The following RIPOR3 variants were observed in gnomAD, a reference collection of about 807,000 sequenced individuals.
The protein encoded by RIPOR3 is RIPOR family member 3.
Under a neutral mutation model 114.3 loss-of-function variants are expected in RIPOR3, and 95 were observed. The observed-to-expected ratio is 0.83, with a 90% CI of 0.70 to 0.99. The LOEUF (loss-of-function observed/expected upper bound fraction) is 0.99. RIPOR3 is among the 50% of genes least tolerant of loss of function. The probability of loss-of-function intolerance (pLI) is 0.00; values close to 1 mark genes in which losing one functional copy is unlikely to be tolerated. For missense variants in RIPOR3, 1,252 were observed against 1,266.9 expected (o/e 0.99, Z 0.18); for synonymous variants, 575 against 543.8 (o/e 1.06, Z -0.80).
chr20:50,599,406 A>G (rs563838129), intron 13 of RIPOR3, among the ~76,000 whole-genome samples: 111 of 152,204 alleles, frequency 7.3e-4, no homozygotes, highest in African/African-American at 2.5e-3. Flanking sequence ...AAAAAAGGAA[A>G]AAAAAAAGCT....
rs151026680 is a variant in RIPOR3 at position 50,669,042 on chromosome 20, G to A, written c.3+22084C>T. On this transcript the variant is annotated intron_variant, in intron 1 of 21. Transcript: ENST00000327979. The stretch of plus-strand genomic sequence containing the variant: ...GACAGTCACACACATGCACACACAC[G>A]CATGCACATGCACACTCACATATAC... 4.9e-4 allele frequency among the ~76,000 whole-genome samples: 75 copies of A among 151,776 alleles called. 1 individual carries two copies. Among genetic ancestry groups the A allele is most frequent in the Middle Eastern group, 6.8e-3 (2 of 294 alleles).
At position 50,602,059 on chromosome 20, in the gene RIPOR3, G is replaced by C. The variant is rs774295149; in HGVS notation, c.1659+13C>G. ...GCAAAGCAGGGCCACCGCCCGGGGC[G>C]GGGTGGCCATACCTTCAGCCGGTCC... On this transcript the variant is annotated intron_variant, in intron 13 of 21. Transcript: ENST00000327979. This position sits in a 1 kb window ranked among gnomAD's most constrained non-coding sequence, Gnocchi z 4.3. 156 of 1,508,226 alleles carry C rather than the reference G, an allele frequency of 1.0e-4. No homozygotes were observed. Among genetic ancestry groups the C allele is most frequent in the Non-Finnish European group, 1.3e-4 (148 of 1,130,660 alleles). The allele number at this position is 1,508,226 out of a possible 1,614,324, so 93.4% of individuals were successfully genotyped here.
rs543377061 is a variant in RIPOR3 at position 50,587,669 on chromosome 20, C to T, written c.2752+133G>A. The stretch of plus-strand genomic sequence containing the variant: ...CAAAGGGTGGAGGTCGGCTCTGTGC[C>T]AGGGCTGCTAACGGTGCCCATCCCA... On this transcript the variant is annotated intron_variant, in intron 21 of 21. Coordinates refer to ENST00000327979, the MANE Select transcript of RIPOR3 (RefSeq NM_001290268.2). The T allele has an allele frequency of 2.1e-5, 17 of 810,098 alleles. No individual in the cohort carries two copies. The South Asian group carries it at 2.6e-4, about 12-fold the overall frequency. 50.2% of individuals were successfully genotyped at this position (810,098 alleles called of 1,614,324 possible).
intron 1 of RIPOR3, chr20:50,645,510 A>T (rs1442822794): frequency 6.6e-6 from 1 of 152,206 alleles, no homozygotes; most frequent in Non-Finnish European, 1.5e-5. Context: ...GAGTGAGGTG[A>T]ATGGGGACTA....
chr20:50,654,542 G>C (rs146216170), intron 1 of RIPOR3, among the ~76,000 whole-genome samples: 28 of 149,604 alleles, frequency 1.9e-4, no homozygotes, highest in African/African-American at 5.4e-4. Flanking sequence ...TTGTCTGCGT[G>C]GTTCACTGCT....
intron 1 of RIPOR3, among the ~76,000 whole-genome samples, chr20:50,653,500 A>G (rs2085692961): frequency 6.6e-6 from 1 of 151,684 alleles, no homozygotes; most frequent in Non-Finnish European, 1.5e-5. Context: ...CAGTGGCACA[A>G]TCTTGGCTCA....
chr20:50,639,644 G>A (rs1221807332), intron 1 of RIPOR3, among the ~76,000 whole-genome samples: 1 of 152,194 alleles, frequency 6.6e-6, no homozygotes, highest in African/African-American at 2.4e-5. Context: ...GAGGCAGGAG[G>A]AGCACTTGAG....
chr20:50,643,269 G>A (rs2085270408), intron 1 of RIPOR3, among the ~76,000 whole-genome samples: 2 of 150,498 alleles, frequency 1.3e-5, no homozygotes, highest in Non-Finnish European at 3.0e-5. Flanking sequence ...CTACAAGTGT[G>A]CACCACTAGG....
At chr20:50,623,033 G>A (rs2084476819) in intron 2 of RIPOR3, among the ~76,000 whole-genome samples, 2 of 152,076 alleles carry the variant, frequency 1.3e-5, no homozygotes, top group African/African-American at 2.4e-5. Context: ...GGAGGCCAAG[G>A]TGGGTGGATC....
At chr20:50,590,430 G>C (rs1028255569) in intron 19 of RIPOR3, among the ~76,000 whole-genome samples, 1 of 152,264 alleles carries the variant, frequency 6.6e-6, no homozygotes, top group African/African-American at 2.4e-5. Context: ...ACTCAGTCGA[G>C]TGGCTGCACC....
intron 2 of RIPOR3, among the ~76,000 whole-genome samples, chr20:50,630,084 C>T (rs2084763482): frequency 6.6e-6 from 1 of 152,158 alleles, no homozygotes; most frequent in African/African-American, 2.4e-5. Flanking sequence ...CCTCCCACCT[C>T]AGCTTTCCAA....
At chr20:50,642,981 G>C (rs2085259988) in intron 1 of RIPOR3, among the ~76,000 whole-genome samples, 1 of 152,046 alleles carries the variant, frequency 6.6e-6, no homozygotes, top group African/African-American at 2.4e-5. Context: ...CCGGGAGGCA[G>C]AGGTTGCGGT....
intron 11 of RIPOR3, among the ~76,000 whole-genome samples, chr20:50,608,137 C>A (rs2083794837): frequency 6.6e-6 from 1 of 152,190 alleles, no homozygotes; most frequent in East Asian, 1.9e-4. Context: ...GTCCCCCCAA[C>A]CTTCCCTGTG....
At chr20:50,648,273 T>G (rs531509852) in intron 1 of RIPOR3, among the ~76,000 whole-genome samples, 1 of 150,000 alleles carries the variant, frequency 6.7e-6, no homozygotes, top group Non-Finnish European at 1.5e-5. Flanking sequence ...CAACACTCCA[T>G]CTCTAAAAAA....
At chr20:50,689,052 G>A (rs764917656) in intron 1 of RIPOR3, among the ~76,000 whole-genome samples, 2 of 152,122 alleles carry the variant, frequency 1.3e-5, no homozygotes, top group Non-Finnish European at 2.9e-5. Context: ...CGACACCCAT[G>A]CAGGTGGTAC....
chr20:50,601,427 C>T (rs1002216278), intron 13 of RIPOR3, among the ~76,000 whole-genome samples: 4 of 152,190 alleles, frequency 2.6e-5, no homozygotes, highest in Middle Eastern at 3.4e-3. Flanking sequence ...GGCAACAGAG[C>T]GAGACTTCAT....
intron 11 of RIPOR3, among the ~76,000 whole-genome samples, chr20:50,606,606 AT>A (rs1192872005): frequency 1.3e-5 from 2 of 152,182 alleles, no homozygotes; most frequent in Non-Finnish European, 2.9e-5. Context: ...CAAATCCTTT[AT>A]CCAGAAAAGG....
In RIPOR3 at chr20:50,614,522, CAT is replaced by C. The variant is rs2084092034; in HGVS notation, c.348+1478_348+1479del. ...GTCTCCAAATCTAATTCATTAAGGA[CAT>C]GTGGGGTTTTCTCAAGGCAGCAGCG... is the stretch of plus-strand genomic sequence containing the variant. On this transcript the variant is annotated intron_variant, in intron 4 of 21. Coordinates refer to ENST00000327979, the MANE Select transcript of RIPOR3 (RefSeq NM_001290268.2). 6 of 169,582 alleles carry C rather than the reference CAT, an allele frequency of 3.5e-5. 1 individual carries two copies. The Admixed American group carries it at 3.9e-4, about 11-fold the overall frequency. 10.5% of individuals were successfully genotyped at this position (169,582 alleles called of 1,614,324 possible).
intron 13 of RIPOR3, 142 bp downstream of exon 13, chr20:50,601,930 G>T (rs2083508525): frequency 6.5e-6 from 5 of 763,406 alleles, no homozygotes; most frequent in Non-Finnish European, 1.0e-5. Context: ...GGAAACCAAG[G>T]CCCAGAGAGA....
Sources: allele counts gnomAD v4.1 joint callset (sites outside exome capture counted in the v4.1 genomes callset), GRCh38; gene constraint gnomAD v4.1.1; non-coding constraint Gnocchi (gnomAD v3.1); transcripts MANE v1.5; gene names NCBI Gene and HGNC (gene_info 2026-07-23, HGNC 2026-07-21).